RSRC1: variants seen among roughly 807,000 people sequenced by gnomAD.
RSRC1 encodes the protein serine/Arginine-related protein 53.
A neutral mutation model predicts 49.1 loss-of-function variants in RSRC1; 39 were observed. That is an observed-to-expected ratio of 0.79 (90% confidence interval 0.61 to 1.04). The LOEUF (loss-of-function observed/expected upper bound fraction) is 1.04, where lower values mean the gene tolerates loss of function less well. RSRC1 is among the 50% of genes least tolerant of loss of function. RSRC1 has a pLI of 0.00. For synonymous variants in RSRC1, 143 were observed against 130.8 expected, an observed-to-expected ratio of 1.09 and a Z score of -0.63; for missense variants, 388 against 402.4, an observed-to-expected ratio of 0.96 and a Z score of 0.31.
chr3:158,396,295 A>G (rs552310525), intron 6 of RSRC1, among the ~76,000 whole-genome samples: 5 of 152,026 alleles, frequency 3.3e-5, no homozygotes, highest in Non-Finnish European at 4.4e-5. Context: ...ATGACATGCA[A>G]TTTACCTATA....
intron 6 of RSRC1, among the ~76,000 whole-genome samples, chr3:158,438,345 G>A (rs1736166026): frequency 6.6e-6 from 1 of 152,128 alleles, no homozygotes; most frequent in Admixed American, 6.6e-5. Context: ...AACCAAAAAG[G>A]AAACCACATA....
chr3:158,351,693 G>C (rs1247969783), intron 5 of RSRC1, among the ~76,000 whole-genome samples: 2 of 151,866 alleles, frequency 1.3e-5, no homozygotes, highest in Non-Finnish European at 2.9e-5. Context: ...TAGTTAGAAT[G>C]ATCCTGAGAT....
At chr3:158,424,626 A>G (rs1463470652) in intron 6 of RSRC1, among the ~76,000 whole-genome samples, 8 of 150,466 alleles carry the variant, frequency 5.3e-5, no homozygotes, top group South Asian at 2.1e-4. Context: ...CTCTTTTTCT[A>G]TTGATTGGAA....
At chr3:158,291,662 T>A (rs963059282) in intron 4 of RSRC1, among the ~76,000 whole-genome samples, 8 of 152,242 alleles carry the variant, frequency 5.3e-5, no homozygotes, top group African/African-American at 1.9e-4. Flanking sequence ...TGCAAAATAT[T>A]GATAGTAAGG....
chr3:158,188,028 A>G (rs2108260904), intron 3 of RSRC1, among the ~76,000 whole-genome samples: 1 of 152,068 alleles, frequency 6.6e-6, no homozygotes, highest in Non-Finnish European at 1.5e-5. Flanking sequence ...TAACCTCATC[A>G]CGTAGCTATA....
chr3:158,455,376 A>G (rs1170223626), intron 6 of RSRC1, among the ~76,000 whole-genome samples: 1 of 152,094 alleles, frequency 6.6e-6, no homozygotes, highest in Non-Finnish European at 1.5e-5. Context: ...TGAGTCGGAC[A>G]CCCTGTCAGT....
chr3:158,446,942 G>T (rs1736753349), intron 6 of RSRC1, among the ~76,000 whole-genome samples: 1 of 151,996 alleles, frequency 6.6e-6, no homozygotes, highest in Admixed American at 6.6e-5. Flanking sequence ...GGTCACACAT[G>T]CAGGGTGCTA....
intron 5 of RSRC1, among the ~76,000 whole-genome samples, chr3:158,298,719 T>C (rs555646290): frequency 2.0e-5 from 3 of 152,282 alleles, no homozygotes; most frequent in African/African-American, 7.2e-5. Context: ...TGAGTGTTTA[T>C]TACAACATTA....
chr3:158,410,164 T>C (rs1397946942), intron 6 of RSRC1, among the ~76,000 whole-genome samples: 1 of 152,170 alleles, frequency 6.6e-6, no homozygotes, highest in East Asian at 1.9e-4. Flanking sequence ...AATTCAGCTA[T>C]TTGTTGTTAC....
In RSRC1 at chr3:158,229,414, G is replaced by GTGTA. The variant is rs141992350; in HGVS notation, c.494+26183_494+26186dup. Among the ~76,000 whole-genome samples, 553 of 147,222 alleles carry GTGTA rather than the reference G, an allele frequency of 3.8e-3. 6 individuals carry two copies. Among genetic ancestry groups the GTGTA allele is most frequent in the African/African-American group, 0.013 (523 of 39,984 alleles). ...TATATATACACATACACACGTATAT[G>GTGTA]TGTATGTATGTATGTATATACACAT... On this transcript the variant is annotated intron_variant, in intron 4 of 9. Transcript: ENST00000611884.
chr3:158,380,976 T>C (rs1051025449), intron 6 of RSRC1, among the ~76,000 whole-genome samples: 17 of 152,144 alleles, frequency 1.1e-4, no homozygotes, highest in Non-Finnish European at 2.9e-5. Context: ...GTAAATTTTG[T>C]CTGTAGATTT....
In RSRC1 at chr3:158,543,483, C is replaced by A; in HGVS notation, c.908C>A (p.Pro303Gln). Reference protein sequence around the residue: ...KYQDDNSLAHPNLFIEKADAE... With the variant: ...KYQDDNSLAHQNLFIEKADAE... ...CAAGATGACAATTCCCTGGCCCATCCAAATGTAATATCCTTAAACTTTACG... is the reference window on the plus strand; with the variant it reads ...CAAGATGACAATTCCCTGGCCCATCAAAATGTAATATCCTTAAACTTTACG... The change falls in exon 9 of 10, where the codon CCA becomes CAA. Residue 303 changes from proline (P) to glutamine (Q), a missense_variant. Transcript: ENST00000611884. 1 of 1,599,624 alleles carries A rather than the reference C, an allele frequency of 6.3e-7. No individual in the cohort carries two copies. Among genetic ancestry groups the A allele is most frequent in the Non-Finnish European group, 8.5e-7 (1 of 1,174,556 alleles).
chr3:158,246,748 C>G (rs1322250903), intron 4 of RSRC1, among the ~76,000 whole-genome samples: 2 of 152,152 alleles, frequency 1.3e-5, no homozygotes, highest in Admixed American at 1.3e-4. Flanking sequence ...GCTGAGAGGT[C>G]CACCGATAGT....
intron 6 of RSRC1, among the ~76,000 whole-genome samples, chr3:158,406,086 CAGA>C (rs1431721331): frequency 6.6e-6 from 1 of 151,900 alleles, no homozygotes; most frequent in African/African-American, 2.4e-5. Context: ...CCTAACCAAA[CAGA>C]AGAAGACATT....
At chr3:158,405,730 A>G (rs1056446282) in intron 6 of RSRC1, among the ~76,000 whole-genome samples, 4 of 152,124 alleles carry the variant, frequency 2.6e-5, no homozygotes, top group Non-Finnish European at 5.9e-5. Flanking sequence ...GGCATTAGCA[A>G]TGAGAACCAC....
intron 5 of RSRC1, among the ~76,000 whole-genome samples, chr3:158,301,741 G>C (rs902900282): frequency 1.2e-4 from 18 of 152,054 alleles, no homozygotes; most frequent in African/African-American, 4.3e-4. Context: ...AAATATAGTT[G>C]CATTTATTTG....
intron 6 of RSRC1, among the ~76,000 whole-genome samples, chr3:158,386,478 A>G (rs1255299614): frequency 6.6e-6 from 1 of 152,128 alleles, no homozygotes; most frequent in Non-Finnish European, 1.5e-5. Flanking sequence ...CCTTAAAAAA[A>G]GCTCTTTAAT....
chr3:158,410,526 T>C (rs1368015373), intron 6 of RSRC1, among the ~76,000 whole-genome samples: 1 of 152,176 alleles, frequency 6.6e-6, no homozygotes, highest in Non-Finnish European at 1.5e-5. Flanking sequence ...ACGACTTTTA[T>C]GGTAAAAAAA....
intron 6 of RSRC1, among the ~76,000 whole-genome samples, chr3:158,444,677 G>A (rs1276906137): frequency 1.2e-4 from 18 of 152,102 alleles, no homozygotes; most frequent in Non-Finnish European, 2.5e-4. Flanking sequence ...TTAAACTAAA[G>A]AGCTTCTACA....
Sources: gnomAD v4.1 joint callset for allele counts (sites outside exome capture counted in the v4.1 genomes callset) on GRCh38, gnomAD v4.1.1 for gene constraint, MANE v1.5 for transcripts, NCBI Gene and HGNC (gene_info 2026-07-23, HGNC 2026-07-21) for gene names.